Variants in PCDHA8 observed in about 807,000 individuals in gnomAD.
The protein encoded by PCDHA8 is protocadherin alpha-8.
Under a neutral mutation model 61.8 loss-of-function variants are expected in PCDHA8, and 53 were observed. The ratio of observed to expected loss-of-function variants is 0.86; its 90% CI spans 0.69 to 1.08. The LOEUF is 1.08. PCDHA8 is among the 50% of genes least tolerant of loss of function. PCDHA8 has a pLI of 0.00. For missense variants in PCDHA8, 1,293 were observed against 1,245.0 expected (o/e 1.04, Z -0.58); for synonymous variants, 618 against 556.6 (o/e 1.11, Z -1.55).
intron 1 of PCDHA8, among the ~76,000 whole-genome samples, chr5:140,894,494 T>C (rs1412845995): frequency 6.6e-6 from 1 of 151,992 alleles, no homozygotes; most frequent in Non-Finnish European, 1.5e-5. Flanking sequence ...TAGTTTTCTT[T>C]AGGCATTATC....
Position 140,843,258 on chromosome 5 carries a change from G to A in PCDHA8, c.1937G>A (p.Arg646His). The A allele has an allele frequency of 6.3e-7, 1 of 1,596,068 alleles. No individual in the cohort carries two copies. Among genetic ancestry groups the A allele is most frequent in the Middle Eastern group, 1.7e-4 (1 of 5,994 alleles). ...GACGAAGCGGACTCTCCGCGCCACC[G>A]TCTGCTGGTCCTGGTGAAGGATCAT... Reference protein sequence around the residue: ...VLDEADSPRHRLLVLVKDHGE... With the variant: ...VLDEADSPRHHLLVLVKDHGE... Residue 646 changes from arginine (R) to histidine (H), a missense_variant, in exon 1 of 4, where the codon CGT (arginine) becomes CAT (histidine). Arg to His is a conservative substitution (Grantham distance 29). Transcript: ENST00000531613.
intron 1 of PCDHA8, chr5:140,928,163 C>A: frequency 6.2e-7 from 1 of 1,614,204 alleles, no homozygotes; most frequent in Non-Finnish European, 8.5e-7. Flanking sequence ...GGCTCACCCC[C>A]ACTTAGCACC....
intron 1 of PCDHA8, among the ~76,000 whole-genome samples, chr5:140,978,203 C>T (rs1231262283): frequency 6.6e-6 from 1 of 152,178 alleles, no homozygotes; most frequent in East Asian, 1.9e-4. Context: ...CAATACACAA[C>T]TAATGCAAAA....
chr5:140,941,191 T>TTTTTTTC lies in PCDHA8; in HGVS notation c.2395-37755_2395-37754insTTTCTTT, dbSNP rs1554213809. ...CATCTTGAACATCCTGCTTCTTTTT[T>TTTTTTTC]TTTCTTTCTTCCTTTCTTTCTTCCT... is the stretch of plus-strand genomic sequence containing the variant. On this transcript the variant is annotated intron_variant, in intron 1 of 3. Coordinates refer to ENST00000531613, the MANE Select transcript of PCDHA8 (RefSeq NM_018911.3). Among the ~76,000 whole-genome samples, 30 of 93,254 alleles carry TTTTTTTC rather than the reference T, an allele frequency of 3.2e-4. 1 individual carries two copies. Among genetic ancestry groups the TTTTTTTC allele is most frequent in the Admixed American group, 1.8e-3 (15 of 8,146 alleles). The allele number at this position is 93,254 out of a possible 152,430, so 61.2% of individuals were successfully genotyped here.
intron 1 of PCDHA8, chr5:140,881,444 A>C (rs2058716592): frequency 1.2e-6 from 1 of 800,270 alleles, no homozygotes; most frequent in African/African-American, 1.9e-5. Context: ...ATAAAAACAG[A>C]ATCCAAAACC....
chr5:140,942,901 A>T (rs1361297196), intron 1 of PCDHA8, among the ~76,000 whole-genome samples: 1 of 152,094 alleles, frequency 6.6e-6, no homozygotes, highest in East Asian at 1.9e-4. Context: ...TATCTCTAAG[A>T]ATAAGCGTGA....
At chr5:140,996,200 A>G (rs1338736394) in intron 3 of PCDHA8, among the ~76,000 whole-genome samples, 1 of 152,236 alleles carries the variant, frequency 6.6e-6, no homozygotes, top group South Asian at 2.1e-4. Flanking sequence ...CCCTCAATGC[A>G]AGGATATCAC....
At position 140,841,446 on chromosome 5, in the gene PCDHA8, G is replaced by A. The variant is rs2150180701; in HGVS notation, c.125G>A (p.Gly42Asp). 1 of 1,612,928 alleles carries A rather than the reference G, an allele frequency of 6.2e-7. No homozygotes were observed. Among genetic ancestry groups the A allele is most frequent in the Non-Finnish European group, 8.5e-7 (1 of 1,179,866 alleles). Residue 42 changes from glycine (G) to aspartate (D), a missense_variant, in exon 1 of 4, where the codon GGC (glycine) becomes GAC (aspartate). By Grantham distance (94) the Gly-to-Asp change is moderately conservative (BLOSUM62 -1). Coordinates refer to ENST00000531613, the MANE Select transcript of PCDHA8 (RefSeq NM_018911.3). ...TCCGTCCCCGAGGAGGCCAAACACG[G>A]CACCTTCGTGGGCCGGATCGCGCAG... ...HYSVPEEAKH[G>D]TFVGRIAQDL...
chr5:140,872,424 C>T (rs534204647), intron 1 of PCDHA8, among the ~76,000 whole-genome samples: 4 of 152,028 alleles, frequency 2.6e-5, no homozygotes, highest in South Asian at 2.1e-4. Context: ...CCCAAGAGTT[C>T]GAGGCCTGCC....
At chr5:140,907,846 C>T (rs2073638181) in intron 1 of PCDHA8, among the ~76,000 whole-genome samples, 1 of 152,246 alleles carries the variant, frequency 6.6e-6, no homozygotes, top group Admixed American at 6.5e-5. Flanking sequence ...TTAAAATCCT[C>T]CTCTGCTGAG....
chr5:140,863,212 C>A, intron 1 of PCDHA8: 1 of 1,051,288 alleles, frequency 9.5e-7, no homozygotes, highest in Non-Finnish European at 1.4e-6. Flanking sequence ...GGAGAGCAGC[C>A]AAGCGAGGAA....
chr5:140,844,872 C>G (rs925437719), intron 1 of PCDHA8, among the ~76,000 whole-genome samples: 1 of 148,974 alleles, frequency 6.7e-6, no homozygotes, highest in Non-Finnish European at 1.5e-5. Flanking sequence ...TATTAAATAC[C>G]CATTAGACTT....
At chr5:141,006,993 T>A (rs1484865636) in intron 3 of PCDHA8, among the ~76,000 whole-genome samples, 5 of 152,290 alleles carry the variant, frequency 3.3e-5, no homozygotes, top group African/African-American at 4.8e-5. Flanking sequence ...GCTTAAAATA[T>A]AAGTCTGCAT....
intron 1 of PCDHA8, among the ~76,000 whole-genome samples, chr5:140,914,027 T>C (rs188298966): frequency 6.6e-6 from 1 of 152,186 alleles, no homozygotes; most frequent in Non-Finnish European, 1.5e-5. Context: ...ATCCACGTGC[T>C]GAGAAGAATG....
intron 3 of PCDHA8, among the ~76,000 whole-genome samples, chr5:140,991,894 C>T (rs1426754578): frequency 6.6e-6 from 1 of 152,164 alleles, no homozygotes; most frequent in Non-Finnish European, 1.5e-5. Context: ...AACAAATTAA[C>T]ACAAAATCCC....
At chr5:140,962,622 G>A (rs1389569825) in intron 1 of PCDHA8, among the ~76,000 whole-genome samples, 2 of 152,130 alleles carry the variant, frequency 1.3e-5, no homozygotes, top group African/African-American at 2.4e-5. Context: ...AGGGAGATGT[G>A]AAAAAATTTA....
chr5:140,876,660 G>A, intron 1 of PCDHA8: 1 of 1,614,216 alleles, frequency 6.2e-7, no homozygotes, highest in Non-Finnish European at 8.5e-7. Flanking sequence ...TTCCCTTCAA[G>A]CTGGTGTCCA....
intron 1 of PCDHA8, chr5:140,968,952 T>C: frequency 1.2e-6 from 2 of 1,614,192 alleles, no homozygotes; most frequent in Non-Finnish European, 1.7e-6. Context: ...TTGAGCATCA[T>C]CAAGTGCTAC....
intron 1 of PCDHA8, chr5:140,884,324 G>T (rs782624216): frequency 1.2e-6 from 2 of 1,613,840 alleles, no homozygotes; most frequent in Non-Finnish European, 1.7e-6. Context: ...GTCGGCAGGC[G>T]CTGTGGGTCC....
Sources: allele counts gnomAD v4.1 joint callset (sites outside exome capture counted in the v4.1 genomes callset), GRCh38; gene constraint gnomAD v4.1.1; transcripts MANE v1.5; gene names NCBI Gene and HGNC (gene_info 2026-07-23, HGNC 2026-07-21).